Variants in SEMA3C observed in about 807,000 individuals in gnomAD.
SEMA3C encodes semaphorin-3C.
SEMA3C carries 47 observed loss-of-function variants against 89.4 expected under a neutral mutation model. That is an observed-to-expected ratio of 0.53 (90% CI 0.42 to 0.67). SEMA3C has a LOEUF of 0.67. SEMA3C is among the 30% of genes least tolerant of loss of function. SEMA3C has a pLI of 0.00. For missense variants in SEMA3C, 839 were observed against 929.1 expected, an observed-to-expected ratio of 0.90 and a Z score of 1.26; for synonymous variants, 310 against 320.2, an observed-to-expected ratio of 0.97 and a Z score of 0.34.
chr7:80,859,613 G>C (rs1790724184), intron 2 of SEMA3C, among the ~76,000 whole-genome samples: 1 of 152,192 alleles, frequency 6.6e-6, no homozygotes, highest in Non-Finnish European at 1.5e-5. Flanking sequence ...CAAACGCAAA[G>C]TTTAGCTGAT....
At chr7:80,777,891 C>A (rs1472983716) in intron 12 of SEMA3C, among the ~76,000 whole-genome samples, 1 of 152,124 alleles carries the variant, frequency 6.6e-6, no homozygotes, top group Non-Finnish European at 1.5e-5. Context: ...TTAATTGAAG[C>A]ATACCAAAAA....
intron 5 of SEMA3C, 122 bp downstream of exon 5, chr7:80,818,177 T>G: frequency 1.1e-6 from 1 of 920,542 alleles, no homozygotes; most frequent in South Asian, 2.4e-5. Flanking sequence ...ATATAGTTTG[T>G]ATTTAAAGGG....
intron 2 of SEMA3C, among the ~76,000 whole-genome samples, chr7:80,846,572 C>T (rs945583560): frequency 3.3e-5 from 5 of 152,056 alleles, no homozygotes; most frequent in Non-Finnish European, 7.4e-5. Context: ...CTCAAGTAAT[C>T]CTTCCATATC....
chr7:80,877,513 TTAC>T (rs574701901), intron 2 of SEMA3C, among the ~76,000 whole-genome samples: 7 of 152,330 alleles, frequency 4.6e-5, no homozygotes, highest in African/African-American at 1.2e-4. Context: ...GTGATTTAAA[TTAC>T]CATACTCCCT....
intron 4 of SEMA3C, among the ~76,000 whole-genome samples, chr7:80,822,010 T>C (rs1432272088): frequency 6.6e-6 from 1 of 152,182 alleles, no homozygotes; most frequent in Non-Finnish European, 1.5e-5. Flanking sequence ...TGAAAATGAT[T>C]ATCCAGGTTC....
intron 12 of SEMA3C, among the ~76,000 whole-genome samples, chr7:80,772,547 G>A (rs540462399): frequency 2.4e-4 from 36 of 152,230 alleles, no homozygotes; most frequent in Non-Finnish European, 4.1e-4. Context: ...GTTGGTCATC[G>A]AGGGCATCTC....
chr7:80,827,429 G>C lies in SEMA3C; in HGVS notation c.323C>G (p.Pro108Arg). The C allele has an allele frequency of 6.5e-7, 1 of 1,549,460 alleles. No homozygotes were observed. Among genetic ancestry groups the C allele is most frequent in the Non-Finnish European group, 8.7e-7 (1 of 1,149,510 alleles). ...VEECKMAGKD[P>R]THGCGNFVRV... ...TTTTTTTTTTTTAACACTTACTGTG[G>C]GATCTTTGCCAGCCATTTTGCATTC... is the stretch of plus-strand genomic sequence containing the variant. Residue 108 changes from proline to arginine, a missense_variant, in exon 4 of 18, where the codon CCC (proline) becomes CGC (arginine). Pro to Arg is a moderately radical substitution (Grantham distance 103). Transcript: ENST00000265361.
At chr7:80,845,048 C>G (rs1790357530) in intron 2 of SEMA3C, among the ~76,000 whole-genome samples, 1 of 152,100 alleles carries the variant, frequency 6.6e-6, no homozygotes, top group Admixed American at 6.6e-5. Flanking sequence ...TGAGAAACCG[C>G]TCTTGTTGAA....
intron 2 of SEMA3C, among the ~76,000 whole-genome samples, chr7:80,862,442 C>A (rs1234167228): frequency 6.6e-6 from 1 of 152,106 alleles, no homozygotes; most frequent in African/African-American, 2.4e-5. Flanking sequence ...AAATCACAGA[C>A]AACACCAACA....
intron 2 of SEMA3C, among the ~76,000 whole-genome samples, chr7:80,838,564 T>C (rs145996340): frequency 7.9e-5 from 12 of 152,292 alleles, no homozygotes; most frequent in African/African-American, 2.9e-4. Context: ...GCTATCTTGT[T>C]CCCCTACTAT....
At chr7:80,770,374 G>C (rs903135978) in intron 12 of SEMA3C, among the ~76,000 whole-genome samples, 4 of 152,200 alleles carry the variant, frequency 2.6e-5, no homozygotes, top group Non-Finnish European at 1.5e-5. Flanking sequence ...TTCCCTGAAT[G>C]TATTCACAAC....
intron 2 of SEMA3C, among the ~76,000 whole-genome samples, chr7:80,867,125 T>C (rs1317233981): frequency 6.6e-6 from 1 of 152,250 alleles, no homozygotes; most frequent in Non-Finnish European, 1.5e-5. Context: ...CATGCAATTA[T>C]GGGTGTTCAT....
In SEMA3C at chr7:80,745,265, G is replaced by A. The variant is rs780977149; in HGVS notation, c.1885C>T (p.Leu629=). 1.2e-6 allele frequency: 2 copies of A among 1,613,958 alleles called. No individual in the cohort carries two copies. Among genetic ancestry groups the A allele is most frequent in the South Asian group, 1.1e-5 (1 of 91,082 alleles). ...ERIIATSQGL[L]IRSVQGSDQG... is the part of the protein sequence containing the mutation. The stretch of plus-strand genomic sequence containing the variant: ...TCAGAACCCTGAACAGAGCGGATCA[G>A]GAGTCCCTGTGAAGTGGCTATTATT... Residue 629 remains leucine, a synonymous_variant, in exon 18 of 18, where the codon CTG becomes TTG. Transcript: ENST00000265361.
chr7:80,889,201 T>G (rs746510874), intron 2 of SEMA3C, among the ~76,000 whole-genome samples: 11 of 152,214 alleles, frequency 7.2e-5, no homozygotes, highest in Non-Finnish European at 1.6e-4. Flanking sequence ...AATGTCTTTT[T>G]TGTTTCATTT....
Position 80,827,357 on chromosome 7 carries a change from G to A in SEMA3C, c.327+68C>T. The A allele has an allele frequency of 1.1e-5, 16 of 1,404,898 alleles. No individual in the cohort carries two copies. In the South Asian group the frequency reaches 2.3e-4, roughly 20 times the overall value. 87.0% of individuals were successfully genotyped at this position (1,404,898 alleles called of 1,614,324 possible). On this transcript the variant is annotated intron_variant, in intron 4 of 17. Transcript: ENST00000265361. ...TGTCTCATTTTTGGCTTCCCTCAAA[G>A]TACATGGATTCGAAAACCAAATATT...
intron 2 of SEMA3C, among the ~76,000 whole-genome samples, chr7:80,861,564 G>A (rs1371994751): frequency 2.2e-4 from 34 of 152,244 alleles, no homozygotes. Context: ...ACTGAGCACT[G>A]TTCACACAAA....
chr7:80,830,252 C>T (rs1789979117), intron 2 of SEMA3C, among the ~76,000 whole-genome samples: 1 of 152,166 alleles, frequency 6.6e-6, no homozygotes, highest in South Asian at 2.1e-4. Flanking sequence ...TACTTAACCT[C>T]TCTGTGCTTT....
intron 2 of SEMA3C, among the ~76,000 whole-genome samples, chr7:80,858,536 A>C (rs1397022575): frequency 1.3e-5 from 2 of 152,212 alleles, no homozygotes; most frequent in Non-Finnish European, 2.9e-5. Flanking sequence ...AAAACCACAG[A>C]CATTTTGAGG....
At chr7:80,811,045 G>A (rs897936292) in intron 5 of SEMA3C, among the ~76,000 whole-genome samples, 1 of 152,172 alleles carries the variant, frequency 6.6e-6, no homozygotes. Flanking sequence ...GAAGAAAACT[G>A]TCCACAGAGG....
Sources: gnomAD v4.1 joint callset for allele counts (sites outside exome capture counted in the v4.1 genomes callset) on GRCh38, gnomAD v4.1.1 for gene constraint, MANE v1.5 for transcripts, NCBI Gene and HGNC (gene_info 2026-07-23, HGNC 2026-07-21) for gene names.